Variants in NR3C2 observed in about 807,000 individuals in gnomAD.
NR3C2 encodes the protein mineralocorticoid receptor.
Under a neutral mutation model 86.4 loss-of-function variants are expected in NR3C2, and 15 were observed. The observed-to-expected ratio is 0.17, with a 90% CI of 0.12 to 0.27. The LOEUF is 0.27. NR3C2 is among the 10% of genes least tolerant of loss of function. The pLI, the probability that NR3C2 is intolerant of heterozygous loss-of-function variation, is 1.00. For synonymous variants in NR3C2, 458 were observed against 450.5 expected, an observed-to-expected ratio of 1.02 and a Z score of -0.21; for missense variants, 960 against 1,195.6, an observed-to-expected ratio of 0.80 and a Z score of 2.91.
intron 2 of NR3C2, among the ~76,000 whole-genome samples, chr4:148,299,763 A>T (rs1561027155): frequency 6.6e-6 from 1 of 152,076 alleles, no homozygotes; most frequent in African/African-American, 2.4e-5. Flanking sequence ...GCTGATTTTT[A>T]TTTTTTTATT....
chr4:148,313,153 T>C (rs143257850), intron 2 of NR3C2, among the ~76,000 whole-genome samples: 1 of 152,300 alleles, frequency 6.6e-6, no homozygotes, highest in Non-Finnish European at 1.5e-5. Flanking sequence ...AGGAAACATC[T>C]GAGTATTTAG....
intron 2 of NR3C2, among the ~76,000 whole-genome samples, chr4:148,414,840 T>C (rs1364598748): frequency 2.6e-5 from 4 of 152,206 alleles, no homozygotes; most frequent in South Asian, 2.1e-4. Flanking sequence ...AAATCATAAA[T>C]GTAAATCTAG....
chr4:148,224,697 A>G (rs966252229), intron 3 of NR3C2, among the ~76,000 whole-genome samples: 1 of 152,210 alleles, frequency 6.6e-6, no homozygotes. Context: ...CAGCTCTGCC[A>G]TGTCTTAGAA....
chr4:148,320,660 G>C (rs1382221357), intron 2 of NR3C2, among the ~76,000 whole-genome samples: 2 of 151,850 alleles, frequency 1.3e-5, no homozygotes, highest in African/African-American at 2.4e-5. Flanking sequence ...TAGTTTATTT[G>C]CATAGAGGTG....
intron 4 of NR3C2, among the ~76,000 whole-genome samples, chr4:148,156,631 C>T (rs549794516): frequency 1.3e-5 from 2 of 152,204 alleles, no homozygotes; most frequent in South Asian, 2.1e-4. Context: ...GTTAGAATGG[C>T]AATCATTAAA....
chr4:148,151,445 A>G (rs1484197112), intron 6 of NR3C2, among the ~76,000 whole-genome samples: 5 of 152,214 alleles, frequency 3.3e-5, no homozygotes, highest in African/African-American at 7.2e-5. Context: ...ATGCAGTACT[A>G]GAATTACTCT....
chr4:148,307,905 T>C (rs1742714581), intron 2 of NR3C2, among the ~76,000 whole-genome samples: 1 of 138,374 alleles, frequency 7.2e-6, no homozygotes, highest in African/African-American at 2.7e-5. Context: ...AGAAAAAAAG[T>C]TAATACTGAG....
At chr4:148,125,609 T>C (rs1732707838) in intron 6 of NR3C2, among the ~76,000 whole-genome samples, 1 of 152,214 alleles carries the variant, frequency 6.6e-6, no homozygotes, top group Admixed American at 6.5e-5. Flanking sequence ...GCAGAATTTC[T>C]GTGTGTTTAG....
At chr4:148,282,602 C>T (rs879457646) in intron 2 of NR3C2, among the ~76,000 whole-genome samples, 6 of 152,006 alleles carry the variant, frequency 3.9e-5, no homozygotes, top group South Asian at 2.1e-4. Flanking sequence ...AAGTCTCCAA[C>T]GAGAAAGAGC....
chr4:148,189,229 G>A (rs1480437250), intron 4 of NR3C2, among the ~76,000 whole-genome samples: 1 of 152,038 alleles, frequency 6.6e-6, no homozygotes, highest in East Asian at 1.9e-4. Flanking sequence ...ATGCCCAGCT[G>A]GGAGTTTTAA....
chr4:148,098,950 T>C (rs1346500426), intron 8 of NR3C2, among the ~76,000 whole-genome samples: 1 of 152,198 alleles, frequency 6.6e-6, no homozygotes, highest in Non-Finnish European at 1.5e-5. Flanking sequence ...GCCCTGGGTT[T>C]AAAAGTTCCT....
At chr4:148,272,154 G>A (rs778165201) in intron 2 of NR3C2, among the ~76,000 whole-genome samples, 1 of 152,140 alleles carries the variant, frequency 6.6e-6, no homozygotes, top group Non-Finnish European at 1.5e-5. Context: ...ATTCTAGTAT[G>A]AGGGAATAGC....
At chr4:148,199,328 G>A (rs1736599798) in intron 3 of NR3C2, among the ~76,000 whole-genome samples, 1 of 151,934 alleles carries the variant, frequency 6.6e-6, no homozygotes, top group Admixed American at 6.6e-5. Context: ...GTATCTTCAG[G>A]GTAAACACAG....
intron 2 of NR3C2, among the ~76,000 whole-genome samples, chr4:148,427,875 C>A (rs1344676786): frequency 1.3e-5 from 2 of 152,030 alleles, no homozygotes; most frequent in South Asian, 2.1e-4. Flanking sequence ...AATATTCTGA[C>A]CATCAAAAAT....
At chr4:148,277,628 CA>C (rs987159075) in intron 2 of NR3C2, among the ~76,000 whole-genome samples, 10 of 152,004 alleles carry the variant, frequency 6.6e-5, no homozygotes, top group African/African-American at 2.4e-4. Flanking sequence ...TTAAAATAAA[CA>C]AAAAATAGTA....
intron 2 of NR3C2, among the ~76,000 whole-genome samples, chr4:148,310,348 A>G (rs926270369): frequency 6.6e-6 from 1 of 152,166 alleles, no homozygotes; most frequent in African/African-American, 2.4e-5. Flanking sequence ...ATAAAACTCA[A>G]CCAAGATTAT....
chr4:148,167,586 T>G (rs1054182222), intron 4 of NR3C2, among the ~76,000 whole-genome samples: 19 of 152,202 alleles, frequency 1.2e-4, no homozygotes, highest in African/African-American at 4.3e-4. Flanking sequence ...TTGTTCAGTT[T>G]CTGAAGTATT....
intron 2 of NR3C2, among the ~76,000 whole-genome samples, chr4:148,349,779 A>T (rs1009803566): frequency 6.6e-6 from 1 of 152,106 alleles, no homozygotes; most frequent in African/African-American, 2.4e-5. Context: ...CAATTTTTTC[A>T]TTACTTGCTA....
intron 2 of NR3C2, among the ~76,000 whole-genome samples, chr4:148,328,164 T>G (rs1744057561): frequency 6.6e-6 from 1 of 152,226 alleles, no homozygotes; most frequent in Non-Finnish European, 1.5e-5. Context: ...GCAGCAGCCG[T>G]GGGAGGAATG....
Sources: gnomAD v4.1 joint callset for allele counts (sites outside exome capture counted in the v4.1 genomes callset) on GRCh38, gnomAD v4.1.1 for gene constraint, MANE v1.5 for transcripts, NCBI Gene and HGNC (gene_info 2026-07-23, HGNC 2026-07-21) for gene names.